The following PHF19 variants were observed in gnomAD, a reference collection of about 807,000 sequenced individuals.
The protein encoded by PHF19 is PHD finger protein 19.
In PHF19, 21 loss-of-function variants were observed where a neutral mutation model predicts 79.8. The observed-to-expected ratio is 0.26, with a 90% CI of 0.19 to 0.38. PHF19 has a LOEUF of 0.38. Among genes scored for constraint, PHF19 ranks in the 10% least tolerant of loss-of-function variants. PHF19 has a pLI of 1.00. For synonymous variants in PHF19, 273 were observed against 296.3 expected, an observed-to-expected ratio of 0.92 and a Z score of 0.81; for missense variants, 445 against 744.2, an observed-to-expected ratio of 0.60 and a Z score of 4.68.
Position 120,869,141 on chromosome 9 carries a change from A to ACCTGC in PHF19, c.614+36_614+40dup. Reference sequence around the variant, plus strand: ...CGGTCCCTGCTGGCGATTCTTGGAGACCTGCCCTGCCGCCCGGGGGGCCCT... The same window carrying ACCTGC: ...CGGTCCCTGCTGGCGATTCTTGGAGACCTGCCCTGCCCTGCCGCCCGGGGGGCCCT... On this transcript the variant is annotated intron_variant, in intron 6 of 14. Coordinates refer to ENST00000373896, the MANE Select transcript of PHF19 (RefSeq NM_015651.3). The surrounding 1 kb of genome is among the most constrained non-coding windows in gnomAD (Gnocchi z 5.8). 6.4e-7 allele frequency: 1 copy of ACCTGC among 1,572,092 alleles called. No homozygotes were observed. Among genetic ancestry groups the ACCTGC allele is most frequent in the South Asian group, 1.2e-5 (1 of 86,400 alleles).
intron 1 of PHF19, among the ~76,000 whole-genome samples, chr9:120,883,903 T>C (rs1435101922): frequency 6.6e-6 from 1 of 152,158 alleles, no homozygotes; most frequent in African/African-American, 2.4e-5. Context: ...CACAATGACC[T>C]CTAAGTTGCC....
At chr9:120,872,959 A>G (rs994775717) in intron 3 of PHF19, among the ~76,000 whole-genome samples, 11 of 152,170 alleles carry the variant, frequency 7.2e-5, no homozygotes, top group African/African-American at 2.7e-4. Flanking sequence ...TCTAAAACCA[A>G]TAGTACTGAG....
rs1170243737 is a variant in PHF19 at position 120,872,037 on chromosome 9, C to CAAAAAAAAAAAAA, written c.269-1512_269-1500dup. On this transcript the variant is annotated intron_variant, in intron 3 of 14. Transcript: ENST00000373896. ...TGGGTGACAGAGCAAGACTCTGTCTCAAAAAAAAAAAAAAAAAAAAAAAAA... is the reference window on the plus strand; with the variant it reads ...TGGGTGACAGAGCAAGACTCTGTCTCAAAAAAAAAAAAAAAAAAAAAAAAAAAAAAAAAAAAAA... 5.3e-4 allele frequency among the ~76,000 whole-genome samples: 16 copies of CAAAAAAAAAAAAA among 30,322 alleles called. 1 individual carries two copies. Among genetic ancestry groups the CAAAAAAAAAAAAA allele is most frequent in the African/African-American group, 1.9e-3 (14 of 7,534 alleles). 19.9% of individuals were successfully genotyped at this position (30,322 alleles called of 152,430 possible). A position where few individuals can be genotyped will look rare whatever the true frequency, so the allele number is the denominator to read the frequency against.
intron 6 of PHF19, 50 bp from the exon 7 acceptor site, chr9:120,867,015 G>A: frequency 1.8e-6 from 2 of 1,103,236 alleles, no homozygotes; most frequent in South Asian, 1.3e-5. Context: ...CCCCAGTCAG[G>A]TATGAGCTTC....
Position 120,869,443 on chromosome 9 carries a change from T to C in PHF19, c.466-113A>G. The C allele has an allele frequency of 7.4e-7, 1 of 1,355,892 alleles. No individual in the cohort carries two copies. Among genetic ancestry groups the C allele is most frequent in the Non-Finnish European group, 9.9e-7 (1 of 1,011,322 alleles). The allele number at this position is 1,355,892 out of a possible 1,614,324, so 84.0% of individuals were successfully genotyped here. ...CCAGGGCTTGGGGGACCCGCAGATA[T>C]TCCAATATAGTCAGAAAAGCAAGGA... On this transcript the variant is annotated intron_variant, in intron 5 of 14. Transcript: ENST00000373896. This position sits in a 1 kb window ranked among gnomAD's most constrained non-coding sequence, Gnocchi z 5.8.
chr9:120,877,157 G>T lies in PHF19; in HGVS notation c.-82C>A, dbSNP rs1272172354. The T allele has an allele frequency of 1.0e-6, 1 of 984,668 alleles. No homozygotes were observed. Among genetic ancestry groups the T allele is most frequent in the Non-Finnish European group, 1.2e-6 (1 of 829,672 alleles). The allele number at this position is 984,668 out of a possible 1,614,324, so 61.0% of individuals were successfully genotyped here. A position where few individuals can be genotyped will look rare whatever the true frequency, so the allele number is the denominator to read the frequency against. Reference sequence around the variant, plus strand: ...ACCAGGCGCATCGGTGGCGGAGGCGGCTGCGCTCGGCCCGCGGCTGCCCGG... The same window carrying T: ...ACCAGGCGCATCGGTGGCGGAGGCGTCTGCGCTCGGCCCGCGGCTGCCCGG... On this transcript the variant is annotated 5_prime_UTR_variant, in exon 1 of 15. Transcript: ENST00000373896.
Position 120,866,936 on chromosome 9 carries a change from C to T in PHF19, c.644G>A (p.Arg215Gln), listed in dbSNP as rs746097382. The change falls in exon 7 of 15, where the codon CGG (arginine) becomes CAG (glutamine). Residue 215 changes from arginine to glutamine, a missense_variant. Transcript: ENST00000373896. This position sits in a 1 kb window ranked among gnomAD's most constrained non-coding sequence, Gnocchi z 5.2. ...GGCCTCGTGGAACCACTGCCTGCAC[C>T]GGTAACATTGCAGCATCCGCAGGTA... Reference protein sequence around the residue: ...EWYLRMLQCYRCRQWFHEACT... With the variant: ...EWYLRMLQCYQCRQWFHEACT... 5.9e-5 allele frequency: 95 copies of T among 1,611,266 alleles called. No individual in the cohort carries two copies. The East Asian group carries it at 1.4e-3, about 24-fold the overall frequency.
chr9:120,883,732 G>A (rs2046222199), intron 1 of PHF19, among the ~76,000 whole-genome samples: 1 of 145,884 alleles, frequency 6.9e-6, no homozygotes, highest in African/African-American at 2.6e-5. Context: ...CACTCCAGCA[G>A]CCTGGGTGAC....
At position 120,866,665 on chromosome 9, in the gene PHF19, G is replaced by A. The variant is rs2045710879; in HGVS notation, c.710+205C>T. Among the ~76,000 whole-genome samples, 1 of 152,170 alleles carries A rather than the reference G, an allele frequency of 6.6e-6. No individual in the cohort carries two copies. Among genetic ancestry groups the A allele is most frequent in the Non-Finnish European group, 1.5e-5 (1 of 68,028 alleles). On this transcript the variant is annotated intron_variant, in intron 7 of 14. Coordinates refer to ENST00000373896, the MANE Select transcript of PHF19 (RefSeq NM_015651.3). The surrounding 1 kb of genome is among the most constrained non-coding windows in gnomAD (Gnocchi z 5.2). ...GAAATCAATGGCAACTAGGGATGTG[G>A]CCCAGCATACTTCTTTATTGCCTCC...
At chr9:120,889,657 A>G (rs559474092) in intron 1 of PHF19, among the ~76,000 whole-genome samples, 4 of 151,972 alleles carry the variant, frequency 2.6e-5, no homozygotes, top group Non-Finnish European at 4.4e-5. Flanking sequence ...GGGAGGATCA[A>G]TTGAGCCTGG....
In PHF19 at chr9:120,861,993, G is replaced by A. The variant is rs147585804; in HGVS notation, c.1143C>T (p.His381=). 7.6e-5 allele frequency: 123 copies of A among 1,613,062 alleles called. No homozygotes were observed. Among genetic ancestry groups the A allele is most frequent in the Non-Finnish European group, 9.6e-5 (113 of 1,179,098 alleles). The change falls in exon 12 of 15, where the codon CAC becomes CAT. Residue 381 remains histidine (H), a synonymous_variant. Coordinates refer to ENST00000373896, the MANE Select transcript of PHF19 (RefSeq NM_015651.3). Reference sequence around the variant, plus strand: ...CTCGCCTTTTCTGCTGCTGGAATTCGTGAGGCAACAAACTGTGGAGACAGA... The same window carrying A: ...CTCGCCTTTTCTGCTGCTGGAATTCATGAGGCAACAAACTGTGGAGACAGA... The part of the protein sequence containing the change: ...RGKSKPGLLP[H]EFQQQKRRVY...
At position 120,862,695 on chromosome 9, in the gene PHF19, G is replaced by T; in HGVS notation, c.1023C>A (p.Ile341=). 6.2e-7 allele frequency: 1 copy of T among 1,614,194 alleles called. No individual in the cohort carries two copies. The highest frequency in any genetic ancestry group is 8.5e-7 in the Non-Finnish European group (1 of 1,180,016). ...TCCCTGGCGGGTTGGGTGGGACGCGGATGCGCAGGCGGAAGATGCACTTCT... is the reference window on the plus strand; with the variant it reads ...TCCCTGGCGGGTTGGGTGGGACGCGTATGCGCAGGCGGAAGATGCACTTCT... The part of the protein sequence containing the change: ...KKKKCIFRLR[I]RVPPNPPGKL... The change falls in exon 11 of 15, where the codon ATC becomes ATA. Residue 341 remains isoleucine (I), a synonymous_variant. Coordinates refer to ENST00000373896, the MANE Select transcript of PHF19 (RefSeq NM_015651.3). This position sits in a 1 kb window ranked among gnomAD's most constrained non-coding sequence, Gnocchi z 4.6.
At chr9:120,890,835 C>T (rs2046332758) in intron 1 of PHF19, among the ~76,000 whole-genome samples, 1 of 152,168 alleles carries the variant, frequency 6.6e-6, no homozygotes. Flanking sequence ...TGCTTTAAAA[C>T]TCTCCAGAGG....
chr9:120,870,035 G>C lies in PHF19; in HGVS notation c.365-90C>G. 14 of 1,508,612 alleles carry C rather than the reference G, an allele frequency of 9.3e-6. No homozygotes were observed. Among genetic ancestry groups the C allele is most frequent in the Non-Finnish European group, 1.2e-5 (14 of 1,127,662 alleles). 93.5% of individuals were successfully genotyped at this position (1,508,612 alleles called of 1,614,324 possible). ...AAGGAGGCAGGGCTGGGAGGGCTGA[G>C]GGAAGTCCTAGGAGCTCTGCCTGCC... On this transcript the variant is annotated intron_variant, in intron 4 of 14. Coordinates refer to ENST00000373896, the MANE Select transcript of PHF19 (RefSeq NM_015651.3). The surrounding 1 kb of genome is among the most constrained non-coding windows in gnomAD (Gnocchi z 4.4).
Position 120,870,082 on chromosome 9 carries a change from T to C in PHF19, c.365-137A>G. On this transcript the variant is annotated intron_variant, in intron 4 of 14. Transcript: ENST00000373896. The surrounding 1 kb of genome is among the most constrained non-coding windows in gnomAD (Gnocchi z 4.4). ...TGCCAGCTGCCGGGAGCCTGGCTGC[T>C]GGTGCCCACCAAGATGGCCAAGTCA... 3 of 1,295,324 alleles carry C rather than the reference T, an allele frequency of 2.3e-6. No individual in the cohort carries two copies. The highest frequency in any genetic ancestry group is 3.1e-6 in the Non-Finnish European group (3 of 954,322). The allele number at this position is 1,295,324 out of a possible 1,614,324, so 80.2% of individuals were successfully genotyped here.
Position 120,862,009 on chromosome 9 carries a change from T to C in PHF19, c.1131-4A>G. ...CTGGAATTCGTGAGGCAACAAACTG[T>C]GGAGACAGAAGAGGGAGAAGGTGGC... On this transcript the variant is annotated splice_polypyrimidine_tract_variant and splice_region_variant and intron_variant, in intron 11 of 14. Transcript: ENST00000373896. This position sits in a 1 kb window ranked among gnomAD's most constrained non-coding sequence, Gnocchi z 4.6. 1 of 1,611,246 alleles carries C rather than the reference T, an allele frequency of 6.2e-7. No individual in the cohort carries two copies. Among genetic ancestry groups the C allele is most frequent in the African/African-American group, 1.3e-5 (1 of 75,008 alleles).
chr9:120,872,066 A>AAG (rs2045919076), intron 3 of PHF19, among the ~76,000 whole-genome samples: 13 of 148,490 alleles, frequency 8.8e-5, no homozygotes, highest in Non-Finnish European at 1.6e-4. Flanking sequence ...AAAAAAAAAA[A>AAG]AAGAAATGGT....
chr9:120,893,890 C>G (rs932794380), intron 1 of PHF19, among the ~76,000 whole-genome samples: 1 of 152,188 alleles, frequency 6.6e-6, no homozygotes, highest in African/African-American at 2.4e-5. Context: ...TTGCATAGGG[C>G]AGTGGTTCTC....
intron 14 of PHF19, among the ~76,000 whole-genome samples, chr9:120,859,849 A>G (rs1473515663): frequency 1.3e-5 from 2 of 152,212 alleles, no homozygotes; most frequent in Non-Finnish European, 1.5e-5. Context: ...CAGCAGGTGA[A>G]GCATTCCAAA....
Sources: allele counts gnomAD v4.1 joint callset (sites outside exome capture counted in the v4.1 genomes callset), GRCh38; gene constraint gnomAD v4.1.1; non-coding constraint Gnocchi (gnomAD v3.1); transcripts MANE v1.5; gene names NCBI Gene and HGNC (gene_info 2026-07-23, HGNC 2026-07-21).